FHAD1: variants seen among roughly 807,000 people sequenced by gnomAD.
FHAD1 encodes forkhead-associated domain-containing protein 1.
A neutral mutation model predicts 191.3 loss-of-function variants in FHAD1; 146 were observed. The ratio of observed to expected loss-of-function variants is 0.76; its 90% confidence interval spans 0.67 to 0.88. The LOEUF is 0.88. FHAD1 is among the 40% of genes least tolerant of loss of function. The pLI is 0.00. For synonymous variants in FHAD1, 616 were observed against 672.3 expected, an observed-to-expected ratio of 0.92 and a Z score of 1.29; for missense variants, 1,635 against 1,785.8, an observed-to-expected ratio of 0.92 and a Z score of 1.52.
At chr1:15,301,826 A>G (rs1247851019) in intron 6 of FHAD1, among the ~76,000 whole-genome samples, 1 of 152,214 alleles carries the variant, frequency 6.6e-6, no homozygotes, top group Non-Finnish European at 1.5e-5. Flanking sequence ...CAGGAGTTTG[A>G]GACCAGCCTG....
At chr1:15,368,908 A>G (rs1223940532) in intron 25 of FHAD1, among the ~76,000 whole-genome samples, 1 of 152,194 alleles carries the variant, frequency 6.6e-6, no homozygotes, top group African/African-American at 2.4e-5. Context: ...ATTGCACTCC[A>G]GCCTGGGTGG....
At chr1:15,373,660 G>A (rs990793684) in intron 26 of FHAD1, among the ~76,000 whole-genome samples, 3 of 152,102 alleles carry the variant, frequency 2.0e-5, no homozygotes, top group African/African-American at 4.8e-5. Context: ...TGAGACCAGC[G>A]TGGGCAACAA....
chr1:15,369,434 A>T lies in FHAD1; in HGVS notation c.3379A>T (p.Thr1127Ser). 3.9e-6 allele frequency: 6 copies of T among 1,551,754 alleles called. No homozygotes were observed. Among genetic ancestry groups the T allele is most frequent in the Non-Finnish European group, 5.2e-6 (6 of 1,146,990 alleles). The stretch of plus-strand genomic sequence containing the variant: ...GAAGGAACAGAAGCCCCGGAAGAAG[A>T]CCCAGACGTGTGACACCTCTGTGCA... ...TEKEQKPRKKTQTCDTSVQIE... is the reference protein window; with the variant it reads ...TEKEQKPRKKSQTCDTSVQIE... Residue 1127 changes from threonine (T) to serine (S), a missense_variant, in exon 26 of 34, where the codon ACC becomes TCC. Transcript: ENST00000688493.
Position 15,311,886 on chromosome 1 carries a change from T to TGACTTAGTGAGGCTCAAG in FHAD1, c.1040-1171_1040-1170insGACTTAGTGAGGCTCAAG, listed in dbSNP as rs1672381299. On this transcript the variant is annotated intron_variant, in intron 7 of 33. Coordinates refer to ENST00000688493, the MANE Select transcript of FHAD1 (RefSeq NM_001391957.1). This position sits in a 1 kb window ranked among gnomAD's most constrained non-coding sequence, Gnocchi z 4.1. ...GGGAGTGACTTAGTCTGGCTCAGGG[T>TGACTTAGTGAGGCTCAAG]CTCTCACGAGGTTGCAGGAGCTACT... 6.6e-6 allele frequency among the ~76,000 whole-genome samples: 1 copy of TGACTTAGTGAGGCTCAAG among 152,210 alleles called. No homozygotes were observed. The highest frequency in any genetic ancestry group is 1.5e-5 in the Non-Finnish European group (1 of 68,044).
At chr1:15,253,379 G>T (rs1166881471) in intron 2 of FHAD1, among the ~76,000 whole-genome samples, 1 of 152,066 alleles carries the variant, frequency 6.6e-6, no homozygotes, top group African/African-American at 2.4e-5. Flanking sequence ...TAGAAATTGT[G>T]TTTAAATCTA....
At chr1:15,277,065 C>G (rs1452049472) in intron 3 of FHAD1, among the ~76,000 whole-genome samples, 1 of 152,138 alleles carries the variant, frequency 6.6e-6, no homozygotes, top group East Asian at 1.9e-4. Context: ...TTTATGATTT[C>G]CAGGAAAGGA....
chr1:15,281,362 A>T (rs1236110495), intron 3 of FHAD1, among the ~76,000 whole-genome samples: 2 of 152,196 alleles, frequency 1.3e-5, no homozygotes, highest in African/African-American at 4.8e-5. Context: ...GACCTAGAGG[A>T]CTACCTGTAT....
At chr1:15,296,826 C>T (rs1667138710) in intron 5 of FHAD1, 33 bp downstream of exon 5, 3 of 1,516,756 alleles carry the variant, frequency 2.0e-6, no homozygotes, top group African/African-American at 2.8e-5. Context: ...GGTGGAGCTG[C>T]AGCAGCAAGC....
chr1:15,261,001 G>A (rs1446817208), intron 2 of FHAD1, among the ~76,000 whole-genome samples: 2 of 152,214 alleles, frequency 1.3e-5, no homozygotes, highest in Non-Finnish European at 2.9e-5. Context: ...TGGCCATAGA[G>A]AGGGAAGCGA....
chr1:15,245,451 A>G (rs1645903430), upstream of FHAD1, among the ~76,000 whole-genome samples: 2 of 152,318 alleles, frequency 1.3e-5, no homozygotes, highest in South Asian at 4.2e-4. Flanking sequence ...AATTTTAGAA[A>G]AGATGATATG....
Position 15,358,277 on chromosome 1 carries a change from A to C in FHAD1, c.2730A>C (p.Thr910=). 6.5e-7 allele frequency: 1 copy of C among 1,527,808 alleles called. No homozygotes were observed. 94.6% of individuals were successfully genotyped at this position (1,527,808 alleles called of 1,614,324 possible). Residue 910 remains threonine, a synonymous_variant, in exon 21 of 34, where the codon ACA becomes ACC. Coordinates refer to ENST00000688493, the MANE Select transcript of FHAD1 (RefSeq NM_001391957.1). ...ETLAELETTK[T]KMIMVEERLI... is the part of the protein sequence containing the mutation. Reference sequence around the variant, plus strand: ...TAGCCGAACTGGAAACTACCAAGACAAAAATGGTAAGTCGGTGCCTTCCGG... The same window carrying C: ...TAGCCGAACTGGAAACTACCAAGACCAAAATGGTAAGTCGGTGCCTTCCGG...
intron 6 of FHAD1, among the ~76,000 whole-genome samples, chr1:15,301,997 A>G (rs2100909955): frequency 6.6e-6 from 1 of 152,308 alleles, no homozygotes; most frequent in African/African-American, 2.4e-5. Flanking sequence ...CCTGGGTGAC[A>G]GAGTGAGACC....
Position 15,311,340 on chromosome 1 carries a change from A to G in FHAD1, c.1040-1717A>G, listed in dbSNP as rs1672214920. The stretch of plus-strand genomic sequence containing the variant: ...GCACGTGCATGTGGGCAGGGAAGGA[A>G]CCACCCAGGAGGAGCAGAGGGAACC... On this transcript the variant is annotated intron_variant, in intron 7 of 33. Transcript: ENST00000688493. The surrounding 1 kb of genome is among the most constrained non-coding windows in gnomAD (Gnocchi z 4.1). 6.6e-6 allele frequency among the ~76,000 whole-genome samples: 1 copy of G among 152,126 alleles called. No individual in the cohort carries two copies. The highest frequency in any genetic ancestry group is 6.5e-5 in the Admixed American group (1 of 15,270).
chr1:15,375,700 G>T lies in FHAD1; in HGVS notation c.3675G>T (p.Leu1225Phe). 6.5e-7 allele frequency: 1 copy of T among 1,546,210 alleles called. No individual in the cohort carries two copies. The highest frequency in any genetic ancestry group is 1.7e-4 in the Middle Eastern group (1 of 5,962). ...QKILLDAKPD[L>F]PTLSRIEILA... The stretch of plus-strand genomic sequence containing the variant: ...TACTACTGGATGCAAAACCGGATTT[G>T]CCAACTCTCTCAAGAATAGAGATCC... Residue 1225 changes from leucine (L) to phenylalanine (F), a missense_variant, in exon 28 of 34, where the codon TTG becomes TTT. Physicochemically the swap from Leu to Phe is conservative, Grantham distance 22. Transcript: ENST00000688493.
intron 2 of FHAD1, 38 bp downstream of exon 2, chr1:15,251,915 A>G: frequency 6.7e-7 from 1 of 1,502,642 alleles, no homozygotes; most frequent in Non-Finnish European, 9.0e-7. Context: ...CCCCTCCCTG[A>G]CCCCTTCCTT....
At chr1:15,363,214 G>A (rs188090013) in intron 23 of FHAD1, among the ~76,000 whole-genome samples, 145 of 152,270 alleles carry the variant, frequency 9.5e-4, no homozygotes, top group Non-Finnish European at 1.7e-3. Flanking sequence ...GGGGCTGAGC[G>A]TGCTAACTCA....
intron 9 of FHAD1, among the ~76,000 whole-genome samples, chr1:15,317,489 C>G (rs1260418167): frequency 6.6e-6 from 1 of 152,170 alleles, no homozygotes; most frequent in African/African-American, 2.4e-5. Context: ...AAACAGTTGG[C>G]CCTTTAGATT....
At chr1:15,359,939 G>A (rs2102636751) in intron 21 of FHAD1, among the ~76,000 whole-genome samples, 1 of 151,840 alleles carries the variant, frequency 6.6e-6, no homozygotes, top group East Asian at 1.9e-4. Flanking sequence ...GACAGAGAGA[G>A]ACTCCGTCTC....
At position 15,316,215 on chromosome 1, in the gene FHAD1, C is replaced by A. The variant is rs1440430184; in HGVS notation, c.1171-163C>A. ...GAACAGCTTTGGGATCCTGTGTGCC[C>A]GTCAGACACCATGGGATGCCTTTTG... is the stretch of plus-strand genomic sequence containing the variant. On this transcript the variant is annotated intron_variant, in intron 8 of 33. Transcript: ENST00000688493. The surrounding 1 kb of genome is among the most constrained non-coding windows in gnomAD (Gnocchi z 4.3). Among the ~76,000 whole-genome samples the A allele has an allele frequency of 1.3e-5, 2 of 152,220 alleles. No homozygotes were observed. Among genetic ancestry groups the A allele is most frequent in the African/African-American group, 4.8e-5 (2 of 41,460 alleles).
Sources: gnomAD v4.1 joint callset for allele counts (sites outside exome capture counted in the v4.1 genomes callset) on GRCh38, gnomAD v4.1.1 for gene constraint, Gnocchi (gnomAD v3.1) non-coding constraint, MANE v1.5 for transcripts, NCBI Gene and HGNC (gene_info 2026-07-23, HGNC 2026-07-21) for gene names.